ERP44: variants seen among roughly 807,000 people sequenced by gnomAD.
The protein encoded by ERP44 is endoplasmic reticulum resident protein 44.
A neutral mutation model predicts 53.4 loss-of-function variants in ERP44; 25 were observed. The ratio of observed to expected loss-of-function variants is 0.47; its 90% CI spans 0.34 to 0.65. The LOEUF is 0.65. Among genes scored for constraint, ERP44 ranks in the 30% least tolerant of loss-of-function variants. The pLI, the probability that ERP44 is intolerant of heterozygous loss-of-function variation, is 0.01. For missense variants in ERP44, 338 were observed against 493.2 expected, an observed-to-expected ratio of 0.69 and a Z score of 2.98; for synonymous variants, 145 against 161.2, an observed-to-expected ratio of 0.90 and a Z score of 0.76.
chr9:99,998,516 C>A (rs1587957645), intron 10 of ERP44: 1 of 717,518 alleles, frequency 1.4e-6, no homozygotes, highest in Non-Finnish European at 2.6e-6. Context: ...GCTGTCCCGG[C>A]TCCCCCATCT....
At chr9:100,014,051 A>T (rs1016627712) in intron 8 of ERP44, among the ~76,000 whole-genome samples, 2 of 152,208 alleles carry the variant, frequency 1.3e-5, no homozygotes, top group African/African-American at 4.8e-5. Context: ...ACATGATTCC[A>T]TTTTAGGTTC....
intron 1 of ERP44, among the ~76,000 whole-genome samples, chr9:100,092,308 C>T (rs1488952871): frequency 1.3e-5 from 2 of 152,212 alleles, no homozygotes; most frequent in Non-Finnish European, 2.9e-5. Context: ...GTGCAACATG[C>T]TGACAAGCTA....
At chr9:100,017,318 G>C (rs1220636329) in intron 7 of ERP44, among the ~76,000 whole-genome samples, 1 of 152,134 alleles carries the variant, frequency 6.6e-6, no homozygotes, top group African/African-American at 2.4e-5. Flanking sequence ...ACTGAAGCGC[G>C]GGGAAGCGAA....
At chr9:100,070,838 C>T (rs1040747916) in intron 1 of ERP44, among the ~76,000 whole-genome samples, 1 of 152,098 alleles carries the variant, frequency 6.6e-6, no homozygotes, top group African/African-American at 2.4e-5. Context: ...GATAGCCTAT[C>T]TTCATTTGGC....
intron 7 of ERP44, 45 bp from the exon 8 acceptor site, chr9:100,016,483 CA>C: frequency 1.3e-6 from 2 of 1,537,764 alleles, no homozygotes; most frequent in Non-Finnish European, 1.7e-6. Context: ...CCTGTGCTGG[CA>C]AAAGTATATT....
chr9:100,096,035 C>G (rs1016329390), intron 1 of ERP44, among the ~76,000 whole-genome samples: 2 of 151,840 alleles, frequency 1.3e-5, no homozygotes, highest in African/African-American at 2.4e-5. Flanking sequence ...TGTTCACATG[C>G]GGGACAATTA....
chr9:100,032,448 T>C (rs1825802104), intron 4 of ERP44, among the ~76,000 whole-genome samples: 1 of 152,178 alleles, frequency 6.6e-6, no homozygotes, highest in Non-Finnish European at 1.5e-5. Flanking sequence ...TCCCCTAAAG[T>C]CAAAAAATGA....
At chr9:100,066,015 G>C (rs967220458) in intron 1 of ERP44, among the ~76,000 whole-genome samples, 3 of 152,156 alleles carry the variant, frequency 2.0e-5, no homozygotes, top group African/African-American at 7.2e-5. Flanking sequence ...TATCACCTAG[G>C]AGCTTGTGAG....
Position 100,074,678 on chromosome 9 carries a change from C to G in ERP44, c.58-14506G>C, listed in dbSNP as rs144737790. Among the ~76,000 whole-genome samples the G allele has an allele frequency of 7.9e-5, 12 of 152,246 alleles. No individual in the cohort carries two copies. The East Asian group carries it at 2.1e-3, about 27-fold the overall frequency. On this transcript the variant is annotated intron_variant, in intron 1 of 11. Coordinates refer to ENST00000262455, the MANE Select transcript of ERP44 (RefSeq NM_015051.3). ...ATCCTTCCCCAAGGAGACCTCTGGC[C>G]TTTTACCAGGGTAACTGTGCATTGG...
rs973645031 is a variant in ERP44, at chr9:100,050,140, G to T, written c.286+2277C>A. 2.0e-5 allele frequency among the ~76,000 whole-genome samples: 3 copies of T among 151,932 alleles called. No individual in the cohort carries two copies. In the East Asian group the frequency reaches 5.8e-4, roughly 29 times the overall value. On this transcript the variant is annotated intron_variant, in intron 4 of 11. Coordinates refer to ENST00000262455, the MANE Select transcript of ERP44 (RefSeq NM_015051.3). ...AATCTCCAGTGATGGAAAGTAGATG[G>T]TCCTTAAGGATGATGAAGGTGAGGT... is the stretch of plus-strand genomic sequence containing the variant.
intron 1 of ERP44, among the ~76,000 whole-genome samples, chr9:100,089,630 G>A (rs559581274): frequency 4.7e-5 from 7 of 149,342 alleles, no homozygotes; most frequent in East Asian, 3.9e-4. Context: ...GCCATAAAGC[G>A]CTTCCTTAAG....
At chr9:100,068,519 T>TG (rs1446117039) in intron 1 of ERP44, among the ~76,000 whole-genome samples, 10 of 75,716 alleles carry the variant, frequency 1.3e-4, no homozygotes, top group African/African-American at 4.1e-4. Flanking sequence ...GGGAGGGAGG[T>TG]GGGGGTTCAG....
chr9:100,098,886 C>T lies in ERP44; in HGVS notation c.-46G>A, dbSNP rs760817784. 1.3e-6 allele frequency: 2 copies of T among 1,564,462 alleles called. No individual in the cohort carries two copies. The highest frequency in any genetic ancestry group is 2.7e-5 in the African/African-American group (2 of 73,788). ...CAGGGACAGGCGCTGGCGGCTGGGA[C>T]TGGGCTAGGTTGGGTTGGGTTAGGA... On this transcript the variant is annotated 5_prime_UTR_variant, in exon 1 of 12. Transcript: ENST00000262455.
At chr9:100,002,805 A>G (rs1237055718) in intron 10 of ERP44, among the ~76,000 whole-genome samples, 1 of 152,026 alleles carries the variant, frequency 6.6e-6, no homozygotes, top group Non-Finnish European at 1.5e-5. Flanking sequence ...TAGTCTTTGG[A>G]CTAAATCTGA....
chr9:100,044,921 T>A (rs1181375426), intron 4 of ERP44, among the ~76,000 whole-genome samples: 1 of 152,220 alleles, frequency 6.6e-6, no homozygotes, highest in African/African-American at 2.4e-5. Flanking sequence ...CATTTTAAGT[T>A]GTTTTTATTC....
At chr9:99,992,049 C>T (rs1178616593) in intron 10 of ERP44, among the ~76,000 whole-genome samples, 1 of 152,132 alleles carries the variant, frequency 6.6e-6, no homozygotes, top group Non-Finnish European at 1.5e-5. Context: ...AAAAAAAGTC[C>T]AGGACCAGAC....
intron 4 of ERP44, among the ~76,000 whole-genome samples, chr9:100,025,717 G>A (rs903365482): frequency 2.0e-5 from 3 of 151,966 alleles, no homozygotes; most frequent in African/African-American, 7.2e-5. Context: ...TTCATGCTGA[G>A]ATCAAAAAAG....
intron 3 of ERP44, among the ~76,000 whole-genome samples, chr9:100,055,386 T>A (rs1205296956): frequency 6.6e-6 from 1 of 152,218 alleles, no homozygotes; most frequent in Non-Finnish European, 1.5e-5. Flanking sequence ...TTTTTGTTTT[T>A]GTTTGAGACG....
intron 3 of ERP44, 66 bp downstream of exon 3, chr9:100,057,754 T>C: frequency 8.1e-7 from 1 of 1,234,060 alleles, no homozygotes; most frequent in Non-Finnish European, 1.2e-6. Context: ...TTCCCCTTTC[T>C]AGCAAAGAAA....
Sources: allele counts gnomAD v4.1 joint callset (sites outside exome capture counted in the v4.1 genomes callset), GRCh38; gene constraint gnomAD v4.1.1; transcripts MANE v1.5; gene names NCBI Gene and HGNC (gene_info 2026-07-23, HGNC 2026-07-21).